The following PAX2 variants were observed in gnomAD, a reference collection of about 807,000 sequenced individuals.
The protein encoded by PAX2 is paired box 2.
A neutral mutation model predicts 41.7 loss-of-function variants in PAX2; 9 were observed. The observed-to-expected ratio is 0.22, with a 90% CI of 0.13 to 0.38. PAX2 has a LOEUF of 0.38. PAX2 is among the 10% of genes least tolerant of loss of function. The probability of loss-of-function intolerance (pLI) is 1.00; values close to 1 mark genes in which losing one functional copy is unlikely to be tolerated. For synonymous variants in PAX2, 221 were observed against 212.7 expected (o/e 1.04, Z -0.34); for missense variants, 418 against 531.6 (o/e 0.79, Z 2.10).
intron 5 of PAX2, among the ~76,000 whole-genome samples, chr10:100,794,297 G>A (rs749379214): frequency 6.6e-6 from 1 of 152,230 alleles, no homozygotes; most frequent in Admixed American, 6.5e-5. Flanking sequence ...CCAGATGTGG[G>A]TCCATCTCCA....
intron 5 of PAX2, among the ~76,000 whole-genome samples, chr10:100,802,504 G>T (rs1315495420): frequency 6.6e-6 from 1 of 152,208 alleles, no homozygotes; most frequent in African/African-American, 2.4e-5. Context: ...AAGCAGTGGG[G>T]ATAGCACATC....
intron 5 of PAX2, among the ~76,000 whole-genome samples, chr10:100,793,631 A>G (rs1287655274): frequency 6.6e-6 from 1 of 152,200 alleles, no homozygotes; most frequent in East Asian, 1.9e-4. Flanking sequence ...TTTCCTCCAT[A>G]TCTCCCTCTT....
At chr10:100,825,383 A>G (rs531325057) in intron 8 of PAX2, among the ~76,000 whole-genome samples, 2 of 152,038 alleles carry the variant, frequency 1.3e-5, no homozygotes, top group Non-Finnish European at 2.9e-5. Context: ...TGGGGCTCTG[A>G]CCCATCCCTA....
chr10:100,765,784 AACAC>A (rs34862474), intron 3 of PAX2, among the ~76,000 whole-genome samples: 10,492 of 151,088 alleles, frequency 0.069, 1,009 homozygotes, highest in African/African-American at 0.22. Context: ...CTCTGCTTAA[AACAC>A]ACACACACAC....
At chr10:100,806,012 C>G (rs1847768305) in intron 5 of PAX2, among the ~76,000 whole-genome samples, 1 of 152,188 alleles carries the variant, frequency 6.6e-6, no homozygotes, top group African/African-American at 2.4e-5. Flanking sequence ...CATCTCGGAG[C>G]CGAGTTCAAT....
At chr10:100,794,588 C>T (rs574295461) in intron 5 of PAX2, among the ~76,000 whole-genome samples, 1 of 152,254 alleles carries the variant, frequency 6.6e-6, no homozygotes, top group African/African-American at 2.4e-5. Context: ...TCCTGGTTAC[C>T]CATCTCAGAA....
At chr10:100,778,936 A>C (rs2133892953) in intron 3 of PAX2, among the ~76,000 whole-genome samples, 1 of 152,306 alleles carries the variant, frequency 6.6e-6, no homozygotes, top group East Asian at 1.9e-4. Flanking sequence ...GCTGTGTTGG[A>C]GTCCTGGGGA....
intron 1 of PAX2, chr10:100,749,408 A>T (rs1845346510): frequency 8.8e-7 from 1 of 1,137,394 alleles, no homozygotes; most frequent in Non-Finnish European, 1.1e-6. Context: ...TCGCTTTCTT[A>T]CGCCCTTTCC....
At chr10:100,743,194 C>A (rs1845030827), upstream of PAX2, among the ~76,000 whole-genome samples, 1 of 152,096 alleles carries the variant, frequency 6.6e-6, no homozygotes, top group South Asian at 2.1e-4. Flanking sequence ...CAGGGGCTAC[C>A]TGGGAATGGG....
chr10:100,827,452 C>A lies in PAX2; in HGVS notation c.1109-91C>A, dbSNP rs537806699. 2 of 1,317,644 alleles carry A rather than the reference C, an allele frequency of 1.5e-6. No individual in the cohort carries two copies. The highest frequency in any genetic ancestry group is 1.7e-5 in the Admixed American group (1 of 59,392). 81.6% of individuals were successfully genotyped at this position (1,317,644 alleles called of 1,614,324 possible). On this transcript the variant is annotated intron_variant, in intron 9 of 9. Transcript: ENST00000355243. This position sits in a 1 kb window ranked among gnomAD's most constrained non-coding sequence, Gnocchi z 8.5. ...AGTCCGGATCCCGCTGGACCCCAGCCAGGGGAGGTCTTTTCTGTGCTTTTC... is the reference window on the plus strand; with the variant it reads ...AGTCCGGATCCCGCTGGACCCCAGCAAGGGGAGGTCTTTTCTGTGCTTTTC...
At position 100,812,702 on chromosome 10, in the gene PAX2, G is replaced by A. The variant is rs76643699; in HGVS notation, c.919+3466G>A. ...TGACCCCCCCTCCCCATGTCTGGCCGGGGCTCCAGTGACAAAGGAGCATGC... is the reference window on the plus strand; with the variant it reads ...TGACCCCCCCTCCCCATGTCTGGCCAGGGCTCCAGTGACAAAGGAGCATGC... On this transcript the variant is annotated intron_variant, in intron 7 of 9. Transcript: ENST00000355243. 4.8e-3 allele frequency among the ~76,000 whole-genome samples: 732 copies of A among 152,288 alleles called. 5 individuals carry two copies. The highest frequency in any genetic ancestry group is 0.017 in the African/African-American group (696 of 41,550).
rs1193700036 is a variant in PAX2, at chr10:100,829,897, GA to G, written c.*2281del. Reference sequence around the variant, plus strand: ...GATTCTTTTTCTTTTGTGCACATAAGAAATAAATAATAATAATAAATAAAGA... The same window carrying G: ...GATTCTTTTTCTTTTGTGCACATAAGAATAAATAATAATAATAAATAAAGA... On this transcript the variant is annotated 3_prime_UTR_variant, in exon 10 of 10. Coordinates refer to ENST00000355243, the MANE Select transcript of PAX2 (RefSeq NM_000278.5). 5.6e-6 allele frequency: 1 copy of G among 179,186 alleles called. No homozygotes were observed. The highest frequency in any genetic ancestry group is 2.4e-5 in the African/African-American group (1 of 42,306). 11.1% of individuals were successfully genotyped at this position (179,186 alleles called of 1,614,324 possible).
chr10:100,775,884 A>G (rs1402566226), intron 3 of PAX2, among the ~76,000 whole-genome samples: 3 of 151,768 alleles, frequency 2.0e-5, no homozygotes, highest in East Asian at 3.9e-4. Context: ...CTTCCCTCCA[A>G]CTCTTGGGAG....
At chr10:100,773,693 G>A (rs1254007626) in intron 3 of PAX2, among the ~76,000 whole-genome samples, 1 of 152,130 alleles carries the variant, frequency 6.6e-6, no homozygotes, top group Non-Finnish European at 1.5e-5. Flanking sequence ...TATTGGCCTG[G>A]AGAATTGATA....
intron 8 of PAX2, among the ~76,000 whole-genome samples, chr10:100,825,298 G>A (rs1848511169): frequency 1.3e-5 from 2 of 152,096 alleles, no homozygotes; most frequent in South Asian, 4.1e-4. Context: ...CGGGAAGCAG[G>A]GAGAGTCGCT....
intron 1 of PAX2, among the ~76,000 whole-genome samples, chr10:100,740,342 C>T (rs1342228281): frequency 6.6e-6 from 1 of 151,872 alleles, no homozygotes; most frequent in Non-Finnish European, 1.5e-5. Context: ...GAGGGGGGTG[C>T]AGGAAGTGGG....
chr10:100,818,323 C>T (rs1346643350), intron 7 of PAX2, among the ~76,000 whole-genome samples: 1 of 152,212 alleles, frequency 6.6e-6, no homozygotes, highest in African/African-American at 2.4e-5. Flanking sequence ...TTCGTGGCTT[C>T]CTTTTTATTT....
At chr10:100,765,067 A>C (rs931131158) in intron 3 of PAX2, among the ~76,000 whole-genome samples, 2 of 152,222 alleles carry the variant, frequency 1.3e-5, no homozygotes, top group Non-Finnish European at 2.9e-5. Flanking sequence ...TGGATATTCT[A>C]AGGAAGTATG....
At chr10:100,781,396 C>A in intron 5 of PAX2, 31 bp downstream of exon 5, 1 of 1,611,622 alleles carries the variant, frequency 6.2e-7, no homozygotes, top group South Asian at 1.1e-5. Flanking sequence ...GTGGCTTCCC[C>A]TTCACATGCT....
Sources: allele counts gnomAD v4.1 joint callset (sites outside exome capture counted in the v4.1 genomes callset), GRCh38; gene constraint gnomAD v4.1.1; non-coding constraint Gnocchi (gnomAD v3.1); transcripts MANE v1.5; gene names NCBI Gene and HGNC (gene_info 2026-07-23, HGNC 2026-07-21).